Variants in CMSS1 observed in about 807,000 individuals in gnomAD.
CMSS1 encodes cms1 ribosomal small subunit homolog.
Under a neutral mutation model 43.5 loss-of-function variants are expected in CMSS1, and 33 were observed. The ratio of observed to expected loss-of-function variants is 0.76; its 90% CI spans 0.57 to 1.01. CMSS1 has a LOEUF of 1.01. Among genes scored for constraint, CMSS1 ranks in the 50% least tolerant of loss-of-function variants. The probability of loss-of-function intolerance (pLI) is 0.00; values close to 1 mark genes in which losing one functional copy is unlikely to be tolerated. For missense variants in CMSS1, 313 were observed against 326.4 expected (o/e 0.96, Z 0.32); for synonymous variants, 115 against 117.2 (o/e 0.98, Z 0.12).
intron 1 of CMSS1, among the ~76,000 whole-genome samples, chr3:99,975,517 G>A (rs147888316): frequency 1.3e-5 from 2 of 151,912 alleles, no homozygotes; most frequent in Admixed American, 6.6e-5. Flanking sequence ...GCTTGAACCC[G>A]GGAGGCAGAC....
intron 1 of CMSS1, among the ~76,000 whole-genome samples, chr3:99,880,754 T>C (rs951867069): frequency 2.0e-5 from 3 of 152,168 alleles, no homozygotes; most frequent in African/African-American, 7.2e-5. Flanking sequence ...AAGTAAAAAA[T>C]TTTACATGTA....
intron 1 of CMSS1, among the ~76,000 whole-genome samples, chr3:99,988,529 AAG>A (rs1288072786): frequency 7.4e-5 from 11 of 148,496 alleles, no homozygotes; most frequent in African/African-American, 2.5e-4. Flanking sequence ...AAAAAAAAAA[AAG>A]AAAGAAAAGG....
At chr3:100,144,270 G>A (rs1385414752) in intron 1 of CMSS1, among the ~76,000 whole-genome samples, 5 of 152,158 alleles carry the variant, frequency 3.3e-5, no homozygotes, top group Non-Finnish European at 7.3e-5. Context: ...AATGGTTGCT[G>A]AAACTATTAG....
chr3:99,919,363 A>G (rs1366888129), intron 1 of CMSS1, among the ~76,000 whole-genome samples: 1 of 150,422 alleles, frequency 6.6e-6, no homozygotes, highest in East Asian at 1.9e-4. Flanking sequence ...TACACAATGA[A>G]CAAATATTCA....
At chr3:100,117,866 T>TATATATATATATATATAA (rs2066588672) in intron 1 of CMSS1, among the ~76,000 whole-genome samples, 1 of 140,302 alleles carries the variant, frequency 7.1e-6, no homozygotes, top group African/African-American at 2.7e-5. Context: ...TATATATATA[T>TATATATATATATATATAA]ATATATATAT....
intron 1 of CMSS1, among the ~76,000 whole-genome samples, chr3:99,906,376 T>C (rs1239874171): frequency 1.3e-5 from 2 of 152,204 alleles, no homozygotes; most frequent in Admixed American, 1.3e-4. Flanking sequence ...GTCAGTCTTA[T>C]TTTTTATTAA....
intron 1 of CMSS1, among the ~76,000 whole-genome samples, chr3:99,914,497 A>T (rs1403904289): frequency 1.3e-5 from 2 of 152,186 alleles, no homozygotes; most frequent in Non-Finnish European, 2.9e-5. Context: ...AGTCTGATTC[A>T]TGTCATTAAC....
intron 1 of CMSS1, among the ~76,000 whole-genome samples, chr3:100,002,419 AG>A (rs1333691287): frequency 1.3e-5 from 2 of 152,182 alleles, no homozygotes; most frequent in African/African-American, 4.8e-5. Flanking sequence ...CTATAATCTC[AG>A]GAGTGAATAT....
chr3:100,162,756 T>C (rs920201778), intron 4 of CMSS1, among the ~76,000 whole-genome samples: 2 of 152,210 alleles, frequency 1.3e-5, no homozygotes, highest in Non-Finnish European at 2.9e-5. Context: ...GGTGGATCAC[T>C]TGAGGTCAAG....
In CMSS1 at chr3:100,178,465, A is replaced by AATGT; in HGVS notation, c.*77_*78insATGT. On this transcript the variant is annotated 3_prime_UTR_variant, in exon 10 of 10. Coordinates refer to ENST00000421999, the MANE Select transcript of CMSS1 (RefSeq NM_032359.4). The stretch of plus-strand genomic sequence containing the variant: ...TTAATGACTCTGATACATTGCAAGC[A>AATGT]CTCAGTAAATATCAGCAAATAGTTT... 1.2e-6 allele frequency: 1 copy of AATGT among 857,834 alleles called. No individual in the cohort carries two copies. Among genetic ancestry groups the AATGT allele is most frequent in the South Asian group, 1.5e-5 (1 of 66,824 alleles). The allele number at this position is 857,834 out of a possible 1,614,324, so 53.1% of individuals were successfully genotyped here. A position where few individuals can be genotyped will look rare whatever the true frequency, so the allele number is the denominator to read the frequency against.
At chr3:99,881,107 C>T (rs909050355) in intron 1 of CMSS1, among the ~76,000 whole-genome samples, 32 of 152,122 alleles carry the variant, frequency 2.1e-4, no homozygotes, top group Admixed American at 9.8e-4. Flanking sequence ...AAGGAATCAT[C>T]TGTTGGTAAG....
intron 1 of CMSS1, among the ~76,000 whole-genome samples, chr3:100,010,778 A>ATTTTTTTTTTTTT (rs11371196): frequency 3.0e-4 from 28 of 93,646 alleles, no homozygotes; most frequent in South Asian, 4.0e-4. Flanking sequence ...CCACGCCCGG[A>ATTTTTTTTTTTTT]TTTTTTTTTT....
intron 1 of CMSS1, among the ~76,000 whole-genome samples, chr3:99,820,961 T>C (rs1284369146): frequency 1.3e-5 from 2 of 152,254 alleles, no homozygotes; most frequent in Non-Finnish European, 2.9e-5. Context: ...TTTGCTATAA[T>C]CTGTTCCCAC....
At chr3:100,002,346 A>C (rs1709867155) in intron 1 of CMSS1, among the ~76,000 whole-genome samples, 1 of 152,224 alleles carries the variant, frequency 6.6e-6, no homozygotes, top group Admixed American at 6.5e-5. Flanking sequence ...GATAGGTCTT[A>C]ATACATTATA....
At chr3:100,033,109 G>T (rs1367256173) in intron 1 of CMSS1, among the ~76,000 whole-genome samples, 1 of 151,974 alleles carries the variant, frequency 6.6e-6, no homozygotes, top group African/African-American at 2.4e-5. Flanking sequence ...TATATTGCTG[G>T]ATAGCATTAC....
At chr3:100,110,555 G>A (rs547814243) in intron 1 of CMSS1, among the ~76,000 whole-genome samples, 8 of 152,250 alleles carry the variant, frequency 5.3e-5, no homozygotes, top group African/African-American at 1.2e-4. Context: ...TTAAATACAT[G>A]TACAGGAAAT....
chr3:99,869,189 T>C (rs1944663651), intron 1 of CMSS1, among the ~76,000 whole-genome samples: 1 of 152,186 alleles, frequency 6.6e-6, no homozygotes. Context: ...AGAGAAGAAT[T>C]CACTTGGAGA....
At chr3:100,037,591 T>C (rs1055882466) in intron 1 of CMSS1, among the ~76,000 whole-genome samples, 1 of 152,190 alleles carries the variant, frequency 6.6e-6, no homozygotes, top group Non-Finnish European at 1.5e-5. Flanking sequence ...CAGAAATCCT[T>C]TTAGCAATCT....
At chr3:100,113,323 G>A (rs1003986061) in intron 1 of CMSS1, among the ~76,000 whole-genome samples, 1 of 152,118 alleles carries the variant, frequency 6.6e-6, no homozygotes, top group Admixed American at 6.5e-5. Context: ...ATATCATTTG[G>A]CAGCAGCCTA....
Sources: gnomAD v4.1 joint callset for allele counts (sites outside exome capture counted in the v4.1 genomes callset) on GRCh38, gnomAD v4.1.1 for gene constraint, MANE v1.5 for transcripts, NCBI Gene and HGNC (gene_info 2026-07-23, HGNC 2026-07-21) for gene names.